CBX5: variants seen among roughly 807,000 people sequenced by gnomAD.
The protein encoded by CBX5 is chromobox 5, also known as chromobox protein homolog 5.
CBX5 carries 7 observed loss-of-function variants against 20.7 expected under a neutral mutation model. The observed-to-expected ratio is 0.34, with a 90% CI of 0.19 to 0.63. CBX5 has a LOEUF of 0.63. Ranked by LOEUF, CBX5 falls within the 30% of genes least tolerant of loss-of-function variation. CBX5 has a pLI of 0.75. For synonymous variants in CBX5, 78 were observed against 77.0 expected (o/e 1.01, Z -0.07); for missense variants, 110 against 224.1 (o/e 0.49, Z 3.25).
At position 54,238,182 on chromosome 12, in the gene CBX5, CT is replaced by C. The variant is rs1412941787; in HGVS notation, c.*3572del. 6.6e-6 allele frequency: 1 copy of C among 151,758 alleles called. No homozygotes were observed. Among genetic ancestry groups the C allele is most frequent in the African/African-American group, 2.4e-5 (1 of 41,136 alleles). The allele number at this position is 151,758 out of a possible 1,614,324, so 9.4% of individuals were successfully genotyped here. On this transcript the variant is annotated 3_prime_UTR_variant, in exon 5 of 5. Transcript: ENST00000209875. ...TCCAGCCTGGTGACAGAGCGAGACT[CT>C]GTCTAAAAAAAATAAATAAATAATA...
At chr12:54,249,285 G>A (rs1033360850) in intron 3 of CBX5, among the ~76,000 whole-genome samples, 7 of 151,764 alleles carry the variant, frequency 4.6e-5, no homozygotes, top group South Asian at 2.1e-4. Context: ...CAGGAGAATC[G>A]CTTGAACCCA....
At chr12:54,247,988 G>A (rs185215622) in intron 3 of CBX5, among the ~76,000 whole-genome samples, 6 of 151,928 alleles carry the variant, frequency 3.9e-5, no homozygotes, top group South Asian at 2.1e-4. Context: ...TTACAGGTGC[G>A]TGCCACCGCA....
At position 54,237,722 on chromosome 12, in the gene CBX5, C is replaced by G. The variant is rs1943637579; in HGVS notation, c.*4033G>C. On this transcript the variant is annotated 3_prime_UTR_variant, in exon 5 of 5. Transcript: ENST00000209875. The stretch of plus-strand genomic sequence containing the variant: ...ATGCAAGTCCAGGGCTTTTCTCATC[C>G]TGCCTTCCCATCACCTGACCCTCCT... 6.0e-6 allele frequency: 1 copy of G among 167,430 alleles called. No individual in the cohort carries two copies. The highest frequency in any genetic ancestry group is 1.3e-5 in the Non-Finnish European group (1 of 75,708). 10.4% of individuals were successfully genotyped at this position (167,430 alleles called of 1,614,324 possible).
rs372177224 is a variant in CBX5 at position 54,257,677 on chromosome 12, T to C, written c.-27A>G. ...TCGCACACCGTTCCACCTGAAAGAC[T>C]AAGGCCACCAGGTCCCTGCAAAGGC... On this transcript the variant is annotated 5_prime_UTR_variant, in exon 2 of 5. Transcript: ENST00000209875. The C allele has an allele frequency of 6.2e-7, 1 of 1,613,856 alleles. No homozygotes were observed. Among genetic ancestry groups the C allele is most frequent in the African/African-American group, 1.3e-5 (1 of 74,902 alleles).
chr12:54,244,194 C>G (rs921648378), intron 4 of CBX5, among the ~76,000 whole-genome samples: 2 of 150,386 alleles, frequency 1.3e-5, no homozygotes, highest in Admixed American at 1.3e-4. Context: ...TTAGTAGACA[C>G]GGGGTTTCAC....
In CBX5 at chr12:54,233,051, C is replaced by T. The variant is rs1362121897; in HGVS notation, c.*8704G>A. The T allele has an allele frequency of 6.6e-6, 1 of 152,204 alleles. No homozygotes were observed. Among genetic ancestry groups the T allele is most frequent in the Non-Finnish European group, 1.5e-5 (1 of 68,044 alleles). 9.4% of individuals were successfully genotyped at this position (152,204 alleles called of 1,614,324 possible). On this transcript the variant is annotated 3_prime_UTR_variant, in exon 5 of 5. Transcript: ENST00000209875. ...ACCACAAAACACCCTCTTACTACAT[C>T]ACATCCCTCCCCACAATACCCAGAG...
intron 1 of CBX5, among the ~76,000 whole-genome samples, chr12:54,276,123 A>G (rs1196178272): frequency 6.6e-6 from 1 of 152,182 alleles, no homozygotes; most frequent in Non-Finnish European, 1.5e-5. Flanking sequence ...GTAAACTAGA[A>G]AGTCTCGGTT....
At chr12:54,243,968 C>T (rs1275605314) in intron 4 of CBX5, among the ~76,000 whole-genome samples, 1 of 152,104 alleles carries the variant, frequency 6.6e-6, no homozygotes, top group Non-Finnish European at 1.5e-5. Flanking sequence ...ACCAGCAGTA[C>T]TCTCATCAGA....
intron 1 of CBX5, among the ~76,000 whole-genome samples, chr12:54,263,698 G>C (rs187697320): frequency 1.0e-4 from 15 of 150,184 alleles, no homozygotes; most frequent in African/African-American, 3.4e-4. Context: ...GGGAGGCGGA[G>C]GTTGCAGTGA....
At position 54,237,240 on chromosome 12, in the gene CBX5, G is replaced by A. The variant is rs1360606180; in HGVS notation, c.*4515C>T. 6.6e-6 allele frequency: 1 copy of A among 152,048 alleles called. No individual in the cohort carries two copies. The highest frequency in any genetic ancestry group is 2.4e-5 in the African/African-American group (1 of 41,388). The allele number at this position is 152,048 out of a possible 1,614,324, so 9.4% of individuals were successfully genotyped here. A position where few individuals can be genotyped will look rare whatever the true frequency, so the allele number is the denominator to read the frequency against. ...TAGCAGGAAATCTACTTTCACACAT[G>A]GCAAACCGCGAAGAAAAACAAGGAT... On this transcript the variant is annotated 3_prime_UTR_variant, in exon 5 of 5. Transcript: ENST00000209875.
chr12:54,275,463 A>C (rs1006605847), intron 1 of CBX5, among the ~76,000 whole-genome samples: 1 of 151,868 alleles, frequency 6.6e-6, no homozygotes, highest in Non-Finnish European at 1.5e-5. Flanking sequence ...GGATGGTCTC[A>C]ATCTCCTGAA....
Position 54,241,558 on chromosome 12 carries a change from C to A in CBX5, c.*197G>T, listed in dbSNP as rs1454249111. 7 of 559,966 alleles carry A rather than the reference C, an allele frequency of 1.3e-5. No homozygotes were observed. The South Asian group carries it at 1.8e-4, about 14-fold the overall frequency. 34.7% of individuals were successfully genotyped at this position (559,966 alleles called of 1,614,324 possible). A position where few individuals can be genotyped will look rare whatever the true frequency, so the allele number is the denominator to read the frequency against. ...TCAGTATGTAAATGCCTGGTCTTCA[C>A]AGAGAGACACTTATCATTAATCAGA... On this transcript the variant is annotated 3_prime_UTR_variant, in exon 5 of 5. Coordinates refer to ENST00000209875, the MANE Select transcript of CBX5 (RefSeq NM_012117.3).
intron 2 of CBX5, among the ~76,000 whole-genome samples, chr12:54,255,036 G>T (rs957437648): frequency 2.0e-5 from 3 of 152,276 alleles, no homozygotes; most frequent in African/African-American, 7.2e-5. Context: ...AGCTAGAAAA[G>T]CCAGTCCTAT....
rs193289476 is a variant in CBX5 at position 54,279,573 on chromosome 12, C to T, written c.-43+435G>A. On this transcript the variant is annotated intron_variant, in intron 1 of 4. Transcript: ENST00000209875. ...GACTGGTCCCAGCGCTTTCCTTAGG[C>T]TGTCCGTCTACTGGTTCCAGATTCG... Among the ~76,000 whole-genome samples the T allele has an allele frequency of 4.2e-3, 634 of 152,310 alleles. 4 individuals carry two copies. The highest frequency in any genetic ancestry group is 5.8e-3 in the South Asian group (28 of 4,828).
chr12:54,280,089 C>T lies in CBX5; in HGVS notation c.-124G>A. 1 of 159,920 alleles carries T rather than the reference C, an allele frequency of 6.3e-6. No individual in the cohort carries two copies. The highest frequency in any genetic ancestry group is 1.4e-5 in the Non-Finnish European group (1 of 71,844). 9.9% of individuals were successfully genotyped at this position (159,920 alleles called of 1,614,324 possible). ...CCGCACCACAAGCCACCACCGCCGC[C>T]GCCTTCTGCGCAACGCCAACCGCCC... is the stretch of plus-strand genomic sequence containing the variant. On this transcript the variant is annotated 5_prime_UTR_variant, in exon 1 of 5. Coordinates refer to ENST00000209875, the MANE Select transcript of CBX5 (RefSeq NM_012117.3).
Position 54,252,095 on chromosome 12 carries a change from C to T in CBX5, c.270G>A (p.Arg90=), listed in dbSNP as rs550533022. ...CGGCACTGTTTGAGAAATTGGATTT[C>T]CTCTTGTTACTTTCTGACTTCTCCC... The part of the protein sequence containing the change: ...KPREKSESNK[R]KSNFSNSADD... Residue 90 remains arginine (R), a synonymous_variant, in exon 3 of 5, where the codon AGG becomes AGA. Transcript: ENST00000209875. The T allele has an allele frequency of 8.1e-6, 13 of 1,611,248 alleles. No homozygotes were observed. The South Asian group carries it at 1.3e-4, about 16-fold the overall frequency.
intron 2 of CBX5, among the ~76,000 whole-genome samples, chr12:54,255,170 T>A (rs1384389273): frequency 1.3e-5 from 2 of 152,118 alleles, no homozygotes; most frequent in Non-Finnish European, 2.9e-5. Context: ...TTCACACCTA[T>A]AATCCCAGCA....
At chr12:54,256,538 C>T (rs1343800758) in intron 2 of CBX5, among the ~76,000 whole-genome samples, 1 of 152,036 alleles carries the variant, frequency 6.6e-6, no homozygotes, top group African/African-American at 2.4e-5. Flanking sequence ...TATTTAGGTC[C>T]TAGACTGCAG....
chr12:54,251,557 G>T (rs539902338), intron 3 of CBX5, among the ~76,000 whole-genome samples: 1 of 150,100 alleles, frequency 6.7e-6, no homozygotes, highest in East Asian at 2.0e-4. Flanking sequence ...CAGGTGTGGT[G>T]GCATGTGCCT....
Sources: allele counts gnomAD v4.1 joint callset (sites outside exome capture counted in the v4.1 genomes callset), GRCh38; gene constraint gnomAD v4.1.1; transcripts MANE v1.5; gene names NCBI Gene and HGNC (gene_info 2026-07-23, HGNC 2026-07-21).